LRRC43: variants seen among roughly 807,000 people sequenced by gnomAD.
The protein encoded by LRRC43 is leucine rich repeat containing 43.
A neutral mutation model predicts 64.3 loss-of-function variants in LRRC43; 62 were observed. The observed-to-expected ratio is 0.96, with a 90% confidence interval of 0.79 to 1.19. The LOEUF is 1.19. LRRC43 is among the 50% of genes most tolerant of loss of function. The pLI, the probability that LRRC43 is intolerant of heterozygous loss-of-function variation, is 0.00. For missense variants in LRRC43, 868 were observed against 845.0 expected (o/e 1.03, Z -0.34); for synonymous variants, 422 against 382.3 (o/e 1.10, Z -1.21).
chr12:122,173,887 A>G (rs1953512419), intron 1 of LRRC43: 1 of 1,613,856 alleles, frequency 6.2e-7, no homozygotes, highest in Non-Finnish European at 8.5e-7. Flanking sequence ...TTCCTCGACT[A>G]TTTTCTGTAC....
rs1953829659 is a variant in LRRC43, at chr12:122,200,832, G to A, written c.1707G>A (p.Leu569=). The A allele has an allele frequency of 6.2e-7, 1 of 1,613,210 alleles. No individual in the cohort carries two copies. Among genetic ancestry groups the A allele is most frequent in the Non-Finnish European group, 8.5e-7 (1 of 1,180,002 alleles). Residue 569 remains leucine (L), a synonymous_variant, in exon 10 of 12, where the codon CTG becomes CTA. Transcript: ENST00000339777. The surrounding 1 kb of genome is among the most constrained non-coding windows in gnomAD (Gnocchi z 4.6). Reference sequence around the variant, plus strand: ...TCCTCCAGGTGCTGGGCCGGGGCCTGGTGATCCTGGAGCCCCTGCTCGCCG... The same window carrying A: ...TCCTCCAGGTGCTGGGCCGGGGCCTAGTGATCCTGGAGCCCCTGCTCGCCG... The part of the protein sequence containing the change: ...PPILQVLGRG[L]VILEPLLAGE...
intron 1 of LRRC43, among the ~76,000 whole-genome samples, chr12:122,169,152 A>G (rs560574906): frequency 6.6e-6 from 1 of 152,220 alleles, no homozygotes; most frequent in African/African-American, 2.4e-5. Flanking sequence ...TTTAGAAGGG[A>G]GTCACCAAGT....
chr12:122,187,764 G>A lies in LRRC43; in HGVS notation c.586G>A (p.Gly196Ser), dbSNP rs368344594. 38 of 1,613,918 alleles carry A rather than the reference G, an allele frequency of 2.4e-5. No individual in the cohort carries two copies. The highest frequency in any genetic ancestry group is 1.6e-4 in the Middle Eastern group (1 of 6,084). The change falls in exon 4 of 12, where the codon GGC (glycine) becomes AGC (serine). Residue 196 changes from glycine (G) to serine (S), a missense_variant. By Grantham distance (56) the Gly-to-Ser change is moderately conservative (BLOSUM62 0). Coordinates refer to ENST00000339777, the MANE Select transcript of LRRC43 (RefSeq NM_001098519.2). Reference protein sequence around the residue: ...MECLCAHPPAGLQHLGLGHNK... With the variant: ...MECLCAHPPASLQHLGLGHNK... ...GTGTCTGTGTGCCCACCCACCCGCC[G>A]GCCTGCAGCACTTGGGGTTAGGCCA...
At chr12:122,174,241 G>GA in intron 1 of LRRC43, 1 of 1,592,256 alleles carries the variant, frequency 6.3e-7, no homozygotes. Flanking sequence ...TGGCTGCCTG[G>GA]AGGTATATAA....
At chr12:122,188,545 A>G (rs1007233076) in intron 4 of LRRC43, among the ~76,000 whole-genome samples, 1 of 151,250 alleles carries the variant, frequency 6.6e-6, no homozygotes, top group Non-Finnish European at 1.5e-5. Flanking sequence ...GGGTCAAGCA[A>G]TTCTCCTGCC....
At chr12:122,175,721 C>T (rs1159276292) in intron 1 of LRRC43, among the ~76,000 whole-genome samples, 1 of 151,764 alleles carries the variant, frequency 6.6e-6, no homozygotes, top group South Asian at 2.1e-4. Flanking sequence ...GGCTGGAGTG[C>T]AATAGCACGA....
In LRRC43 at chr12:122,200,488, C is replaced by T. The variant is rs1344344071; in HGVS notation, c.1492-44C>T. 14 of 1,613,632 alleles carry T rather than the reference C, an allele frequency of 8.7e-6. No homozygotes were observed. Among genetic ancestry groups the T allele is most frequent in the African/African-American group, 4.0e-5 (3 of 74,908 alleles). On this transcript the variant is annotated intron_variant, in intron 8 of 11. Coordinates refer to ENST00000339777, the MANE Select transcript of LRRC43 (RefSeq NM_001098519.2). The surrounding 1 kb of genome is among the most constrained non-coding windows in gnomAD (Gnocchi z 4.6). ...TGAGGGAGAGGTGACCCCAGGCAGC[C>T]CGCCTGGGCCTCTGCTCACTCGAGG...
At chr12:122,189,581 G>A in intron 4 of LRRC43, 1 of 435,812 alleles carries the variant, frequency 2.3e-6, no homozygotes, top group Middle Eastern at 3.7e-4. Flanking sequence ...CGTGCTCTTT[G>A]CAGGCCCCTC....
chr12:122,200,603 A>G lies in LRRC43; in HGVS notation c.1563A>G (p.Lys521=), dbSNP rs1004684114. ...PLSAKKGKGE[K]DKKGKEKDRT... is the part of the protein sequence containing the mutation. The stretch of plus-strand genomic sequence containing the variant: ...CTGCCAAGAAAGGAAAGGGGGAGAA[A>G]GACAAGAAAGGGAAGGAGAAAGACA... Residue 521 remains lysine, a synonymous_variant, in exon 9 of 12, where the codon AAA becomes AAG. Coordinates refer to ENST00000339777, the MANE Select transcript of LRRC43 (RefSeq NM_001098519.2). The surrounding 1 kb of genome is among the most constrained non-coding windows in gnomAD (Gnocchi z 4.6). The G allele has an allele frequency of 5.6e-6, 9 of 1,614,038 alleles. 1 individual carries two copies. In the Admixed American group the frequency reaches 8.3e-5, roughly 15 times the overall value.
upstream of LRRC43, among the ~76,000 whole-genome samples, chr12:122,178,582 CTTTTTTTTTTTTTT>C (rs57204293): frequency 1.3e-4 from 8 of 60,732 alleles, no homozygotes; most frequent in South Asian, 4.1e-3. Context: ...AGGTGGCTTT[CTTTTTTTTTTTTTT>C]TTTTTTTTTT....
At chr12:122,195,521 G>A (rs1377035820) in intron 7 of LRRC43, among the ~76,000 whole-genome samples, 1 of 152,150 alleles carries the variant, frequency 6.6e-6, no homozygotes, top group Non-Finnish European at 1.5e-5. Context: ...GATTACAGGT[G>A]TGAGCCACCA....
rs771002440 is a variant in LRRC43, at chr12:122,187,829, C to T, written c.651C>T (p.Thr217=). The change falls in exon 4 of 12, where the codon ACC becomes ACT. Residue 217 remains threonine (T), a synonymous_variant. Transcript: ENST00000339777. The part of the protein sequence containing the change: ...LLGPLESLYV[T]ANHWPNLVSL... ...GCCCCTTGGAAAGTCTCTACGTCAC[C>T]GCTAATCACTGGTAACTCGGGAGCC... 2.0e-5 allele frequency: 32 copies of T among 1,613,812 alleles called. No individual in the cohort carries two copies. The highest frequency in any genetic ancestry group is 2.5e-5 in the Non-Finnish European group (29 of 1,179,948).
At position 122,200,513 on chromosome 12, in the gene LRRC43, G is replaced by T; in HGVS notation, c.1492-19G>T. ...CCGCCTGGGCCTCTGCTCACTCGAGGATTCTCTCCTGCCCCTAGATTCTCT... is the reference window on the plus strand; with the variant it reads ...CCGCCTGGGCCTCTGCTCACTCGAGTATTCTCTCCTGCCCCTAGATTCTCT... On this transcript the variant is annotated intron_variant, in intron 8 of 11. Coordinates refer to ENST00000339777, the MANE Select transcript of LRRC43 (RefSeq NM_001098519.2). This position sits in a 1 kb window ranked among gnomAD's most constrained non-coding sequence, Gnocchi z 4.6. 6.2e-7 allele frequency: 1 copy of T among 1,614,034 alleles called. No individual in the cohort carries two copies. The highest frequency in any genetic ancestry group is 1.1e-5 in the South Asian group (1 of 90,988).
At chr12:122,201,393 T>A in intron 11 of LRRC43, 64 bp downstream of exon 11, 2 of 1,506,570 alleles carry the variant, frequency 1.3e-6, no homozygotes, top group South Asian at 1.1e-5. Flanking sequence ...GGGCCAGCCC[T>A]GGGGGAGGCC....
Position 122,189,058 on chromosome 12 carries a change from A to G in LRRC43, c.663-1072A>G, listed in dbSNP as rs187128005. On this transcript the variant is annotated intron_variant, in intron 4 of 11. Coordinates refer to ENST00000339777, the MANE Select transcript of LRRC43 (RefSeq NM_001098519.2). The stretch of plus-strand genomic sequence containing the variant: ...CTCATTAGGAGCCTGCAGATGGTTC[A>G]GCTCCCAGTTGATATTCAACTTGAT... Among the ~76,000 whole-genome samples the G allele has an allele frequency of 2.5e-4, 38 of 152,294 alleles. 1 individual carries two copies. In the East Asian group the frequency reaches 7.3e-3, roughly 29 times the overall value.
intron 1 of LRRC43, among the ~76,000 whole-genome samples, chr12:122,173,404 C>G (rs1302312526): frequency 6.6e-6 from 1 of 152,236 alleles, no homozygotes; most frequent in Non-Finnish European, 1.5e-5. Context: ...GCTATCTTGG[C>G]TGGGCACAGT....
chr12:122,194,637 T>C (rs1463010179), intron 7 of LRRC43, among the ~76,000 whole-genome samples: 1 of 152,002 alleles, frequency 6.6e-6, no homozygotes, highest in Non-Finnish European at 1.5e-5. Flanking sequence ...TCCCTCTTTC[T>C]TCCTTTCTCT....
At position 122,188,869 on chromosome 12, in the gene LRRC43, A is replaced by G. The variant is rs189862627; in HGVS notation, c.662+1029A>G. ...CAGCATACCTGGCCTGCACCCGCAG[A>G]TGCCAGGAGCACTTCCCCATTAGTT... On this transcript the variant is annotated intron_variant, in intron 4 of 11. Coordinates refer to ENST00000339777, the MANE Select transcript of LRRC43 (RefSeq NM_001098519.2). Among the ~76,000 whole-genome samples, 3 of 152,200 alleles carry G rather than the reference A, an allele frequency of 2.0e-5. No homozygotes were observed. In the South Asian group the frequency reaches 6.2e-4, roughly 31 times the overall value.
chr12:122,199,694 C>T (rs1953812635), intron 7 of LRRC43, among the ~76,000 whole-genome samples: 1 of 152,036 alleles, frequency 6.6e-6, no homozygotes, highest in Non-Finnish European at 1.5e-5. Context: ...AGCAATCCTC[C>T]TACCTCAGCC....
Sources: allele counts gnomAD v4.1 joint callset (sites outside exome capture counted in the v4.1 genomes callset), GRCh38; gene constraint gnomAD v4.1.1; non-coding constraint Gnocchi (gnomAD v3.1); transcripts MANE v1.5; gene names NCBI Gene and HGNC (gene_info 2026-07-23, HGNC 2026-07-21).